The following DTHD1 variants were observed in gnomAD, a reference collection of about 807,000 sequenced individuals.
DTHD1 encodes death domain-containing protein 1.
In DTHD1, 59 loss-of-function variants were observed where a neutral mutation model predicts 74.8. The ratio of observed to expected loss-of-function variants is 0.79; its 90% confidence interval spans 0.64 to 0.98. DTHD1 has a LOEUF of 0.98. DTHD1 is among the 50% of genes least tolerant of loss of function. DTHD1 has a pLI of 0.00. For missense variants in DTHD1, 1,051 were observed against 1,065.4 expected (o/e 0.99, Z 0.19); for synonymous variants, 365 against 371.1 (o/e 0.98, Z 0.19).
At chr4:36,326,987 G>A (rs1318951916) in intron 8 of DTHD1, among the ~76,000 whole-genome samples, 2 of 148,218 alleles carry the variant, frequency 1.3e-5, no homozygotes, top group African/African-American at 5.0e-5. Flanking sequence ...TCTTTCTTCA[G>A]ACGGAGTCTC....
chr4:36,281,669 G>C lies in DTHD1; in HGVS notation c.-90G>C. 3 of 1,234,718 alleles carry C rather than the reference G, an allele frequency of 2.4e-6. No homozygotes were observed. Among genetic ancestry groups the C allele is most frequent in the Non-Finnish European group, 3.0e-6 (3 of 988,848 alleles). The allele number at this position is 1,234,718 out of a possible 1,614,324, so 76.5% of individuals were successfully genotyped here. A position where few individuals can be genotyped will look rare whatever the true frequency, so the allele number is the denominator to read the frequency against. ...TAGCTGACTCGGATCATCTCCTAGA[G>C]TTTAGGAGAAATAACAATCACAAAG... On this transcript the variant is annotated 5_prime_UTR_variant, in exon 1 of 10. Transcript: ENST00000639862.
chr4:36,307,815 ACTT>A (rs1292038503), intron 6 of DTHD1, among the ~76,000 whole-genome samples: 1 of 152,190 alleles, frequency 6.6e-6, no homozygotes, highest in African/African-American at 2.4e-5. Context: ...AGACTGTATG[ACTT>A]CTTCGTTTAA....
chr4:36,307,947 C>T (rs147169897), intron 6 of DTHD1, among the ~76,000 whole-genome samples: 64 of 152,228 alleles, frequency 4.2e-4, no homozygotes, highest in African/African-American at 1.5e-3. Flanking sequence ...TGGGCTCAAG[C>T]GATCCACCCT....
intron 3 of DTHD1, among the ~76,000 whole-genome samples, chr4:36,291,941 C>T (rs1046589890): frequency 1.1e-4 from 17 of 151,982 alleles, no homozygotes; most frequent in Non-Finnish European, 1.6e-4. Context: ...TCTTTTTCAG[C>T]TTTATGTAAG....
intron 9 of DTHD1, among the ~76,000 whole-genome samples, chr4:36,340,722 T>C (rs980157699): frequency 6.6e-6 from 1 of 152,158 alleles, no homozygotes; most frequent in African/African-American, 2.4e-5. Context: ...AGGAAAATAA[T>C]GCCAAAAGAT....
rs1374493818 is a variant in DTHD1 at position 36,346,256 on chromosome 4, C to T, written c.*2432C>T. On this transcript the variant is annotated 3_prime_UTR_variant, in exon 10 of 10. Transcript: ENST00000639862. ...CCACAGACACATGCACACACACACA[C>T]GACATCTCACTTTACCGTTACCACT... is the stretch of plus-strand genomic sequence containing the variant. Among the ~76,000 whole-genome samples, 1 of 151,924 alleles carries T rather than the reference C, an allele frequency of 6.6e-6. No individual in the cohort carries two copies. The highest frequency in any genetic ancestry group is 1.9e-4 in the East Asian group (1 of 5,174).
intron 4 of DTHD1, 125 bp from the exon 5 acceptor site, chr4:36,294,666 CAACT>C (rs1403971250): frequency 2.5e-6 from 2 of 796,500 alleles, no homozygotes; most frequent in Admixed American, 7.6e-5. Flanking sequence ...TTGTTGATTA[CAACT>C]AACAATACAT....
At chr4:36,314,070 T>C (rs931351277) in intron 7 of DTHD1, among the ~76,000 whole-genome samples, 9 of 55,738 alleles carry the variant, frequency 1.6e-4, no homozygotes, top group Admixed American at 5.0e-4. Flanking sequence ...TAGGAATCTG[T>C]TTTTTTTTTT....
chr4:36,345,693 A>C lies in DTHD1; in HGVS notation c.*1869A>C, dbSNP rs1251731518. 6.6e-6 allele frequency: 1 copy of C among 152,238 alleles called. No individual in the cohort carries two copies. 9.4% of individuals were successfully genotyped at this position (152,238 alleles called of 1,614,324 possible). A position where few individuals can be genotyped will look rare whatever the true frequency, so the allele number is the denominator to read the frequency against. ...TCTTGGGGCAAAGAAAACAGACTAAAATGTTCATTGTTTTCCTGATTACAA... is the reference window on the plus strand; with the variant it reads ...TCTTGGGGCAAAGAAAACAGACTAACATGTTCATTGTTTTCCTGATTACAA... On this transcript the variant is annotated 3_prime_UTR_variant, in exon 10 of 10. Coordinates refer to ENST00000639862, the MANE Select transcript of DTHD1 (RefSeq NM_001170700.3).
chr4:36,321,041 A>C (rs1758008758), intron 8 of DTHD1, among the ~76,000 whole-genome samples: 1 of 152,224 alleles, frequency 6.6e-6, no homozygotes, highest in Admixed American at 6.5e-5. Context: ...TTTTTACTTC[A>C]TACTTGTGAG....
intron 3 of DTHD1, among the ~76,000 whole-genome samples, chr4:36,292,251 A>T (rs1340966471): frequency 6.6e-6 from 1 of 152,164 alleles, no homozygotes; most frequent in East Asian, 1.9e-4. Context: ...AACTGCTTGT[A>T]GCCCACTTGT....
intron 7 of DTHD1, among the ~76,000 whole-genome samples, chr4:36,310,859 A>G (rs1373814936): frequency 6.6e-6 from 1 of 152,142 alleles, no homozygotes; most frequent in African/African-American, 2.4e-5. Context: ...AGAAGGGGGC[A>G]GGGAAGAGAG....
intron 7 of DTHD1, 37 bp downstream of exon 7, chr4:36,308,530 C>T: frequency 6.8e-7 from 1 of 1,480,502 alleles, no homozygotes; most frequent in Non-Finnish European, 9.0e-7. Context: ...ATTTTATTGG[C>T]TATAAGCCAC....
chr4:36,339,277 C>T, intron 9 of DTHD1, 108 bp downstream of exon 9: 1 of 751,616 alleles, frequency 1.3e-6, no homozygotes, highest in Non-Finnish European at 2.0e-6. Flanking sequence ...ACTTTCCAAT[C>T]AAACAATCAT....
At chr4:36,324,757 A>T (rs1255634545) in intron 8 of DTHD1, among the ~76,000 whole-genome samples, 2 of 152,254 alleles carry the variant, frequency 1.3e-5, no homozygotes, top group African/African-American at 4.8e-5. Flanking sequence ...TATAAAACAA[A>T]GCAAGAGATA....
chr4:36,330,279 C>T (rs1758589377), intron 8 of DTHD1, among the ~76,000 whole-genome samples: 1 of 152,148 alleles, frequency 6.6e-6, no homozygotes, highest in African/African-American at 2.4e-5. Context: ...GCCAGAGGTA[C>T]TGAAGTGACT....
At chr4:36,306,798 C>T (rs1757080687) in intron 6 of DTHD1, among the ~76,000 whole-genome samples, 1 of 152,188 alleles carries the variant, frequency 6.6e-6, no homozygotes, top group African/African-American at 2.4e-5. Flanking sequence ...TGAAGAGTAG[C>T]CACTCATAGA....
At chr4:36,322,933 C>T (rs554237725) in intron 8 of DTHD1, among the ~76,000 whole-genome samples, 22 of 152,246 alleles carry the variant, frequency 1.4e-4, no homozygotes, top group African/African-American at 4.1e-4. Flanking sequence ...TGCATGTGTG[C>T]GTGCGTCTGA....
At chr4:36,299,295 A>G (rs1756622555) in intron 5 of DTHD1, among the ~76,000 whole-genome samples, 1 of 152,052 alleles carries the variant, frequency 6.6e-6, no homozygotes, top group South Asian at 2.1e-4. Context: ...ACCACCTACC[A>G]CCTTTGATAT....
Sources: allele counts gnomAD v4.1 joint callset (sites outside exome capture counted in the v4.1 genomes callset), GRCh38; gene constraint gnomAD v4.1.1; transcripts MANE v1.5; gene names NCBI Gene and HGNC (gene_info 2026-07-23, HGNC 2026-07-21).